The following STXBP6 variants were observed in gnomAD, a reference collection of about 807,000 sequenced individuals.
STXBP6 encodes the protein syntaxin binding protein 6.
A neutral mutation model predicts 26.9 loss-of-function variants in STXBP6; 21 were observed. That is an observed-to-expected ratio of 0.78 (90% CI 0.55 to 1.12). The LOEUF is 1.12. Among genes scored for constraint, STXBP6 ranks in the 50% most tolerant of loss-of-function variants. The probability of loss-of-function intolerance (pLI) is 0.00; values close to 1 mark genes in which losing one functional copy is unlikely to be tolerated. For missense variants in STXBP6, 232 were observed against 257.9 expected, an observed-to-expected ratio of 0.90 and a Z score of 0.69; for synonymous variants, 97 against 92.6, an observed-to-expected ratio of 1.05 and a Z score of -0.27.
intron 2 of STXBP6, among the ~76,000 whole-genome samples, chr14:24,959,315 G>A (rs1457579391): frequency 6.6e-6 from 1 of 152,106 alleles, no homozygotes; most frequent in African/African-American, 2.4e-5. Flanking sequence ...GGCCAAGCAT[G>A]GTGGTTTGCA....
chr14:24,983,105 T>A (rs1158474076), intron 1 of STXBP6, among the ~76,000 whole-genome samples: 1 of 152,180 alleles, frequency 6.6e-6, no homozygotes, highest in Non-Finnish European at 1.5e-5. Context: ...AGAATCATAG[T>A]GAAGGCCAGG....
chr14:24,867,886 T>G (rs1179883578), intron 2 of STXBP6, among the ~76,000 whole-genome samples: 2 of 152,174 alleles, frequency 1.3e-5, no homozygotes, highest in Non-Finnish European at 2.9e-5. Flanking sequence ...GAGAACATAT[T>G]TGCAAATCAT....
At position 24,809,721 on chromosome 14, in the gene STXBP6, AG is replaced by A. The variant is rs1419738090; in HGVS notation, c.*2987del. ...TGTTGTAATAGTGAATCAATAGAGC[AG>A]GTGTTACTTATCTCTGAATTAAACA... is the stretch of plus-strand genomic sequence containing the variant. On this transcript the variant is annotated 3_prime_UTR_variant, in exon 6 of 6. Transcript: ENST00000323944. The A allele has an allele frequency of 1.3e-5, 2 of 152,216 alleles. No individual in the cohort carries two copies. The highest frequency in any genetic ancestry group is 2.9e-5 in the Non-Finnish European group (2 of 68,034). 9.4% of individuals were successfully genotyped at this position (152,216 alleles called of 1,614,324 possible).
chr14:24,995,161 A>G lies in STXBP6; in HGVS notation c.-32-20311T>C, dbSNP rs78580917. ...GCTGTCTGACAAAGACCCATTTCCT[A>G]CTTCATAGATGGTGCCTTGTAGCTG... On this transcript the variant is annotated intron_variant, in intron 1 of 5. Transcript: ENST00000323944. 4.2e-3 allele frequency among the ~76,000 whole-genome samples: 640 copies of G among 152,232 alleles called. 13 individuals carry two copies. In the East Asian group the frequency reaches 0.045, roughly 11 times the overall value.
At chr14:24,978,171 T>C (rs2074099612) in intron 1 of STXBP6, among the ~76,000 whole-genome samples, 1 of 152,240 alleles carries the variant, frequency 6.6e-6, no homozygotes, top group Non-Finnish European at 1.5e-5. Context: ...TGATTGTATG[T>C]CTGAATTCAG....
chr14:24,863,789 A>C (rs1416299421), intron 2 of STXBP6, among the ~76,000 whole-genome samples: 3 of 152,206 alleles, frequency 2.0e-5, no homozygotes, highest in Non-Finnish European at 2.9e-5. Context: ...ATTTCTCCAT[A>C]GACCTGCAGA....
chr14:24,861,804 T>C (rs78340053), intron 2 of STXBP6, among the ~76,000 whole-genome samples: 1 of 152,128 alleles, frequency 6.6e-6, no homozygotes, highest in Admixed American at 6.5e-5. Context: ...ACATAGTAAA[T>C]GTTTAGACCC....
intron 2 of STXBP6, among the ~76,000 whole-genome samples, chr14:24,889,180 A>G (rs1257486115): frequency 3.3e-5 from 5 of 151,958 alleles, no homozygotes; most frequent in Non-Finnish European, 7.4e-5. Flanking sequence ...CTTAAATATG[A>G]GCCAACCACC....
intron 2 of STXBP6, among the ~76,000 whole-genome samples, chr14:24,934,048 A>C (rs747432852): frequency 3.9e-5 from 6 of 152,184 alleles, no homozygotes; most frequent in Admixed American, 6.5e-5. Context: ...GAAGCAATGA[A>C]AGAGAAGAAG....
At chr14:25,041,810 T>C (rs1226955696) in intron 1 of STXBP6, among the ~76,000 whole-genome samples, 1 of 152,242 alleles carries the variant, frequency 6.6e-6, no homozygotes, top group Non-Finnish European at 1.5e-5. Context: ...TTACCTGATG[T>C]CGATGCAACA....
intron 1 of STXBP6, among the ~76,000 whole-genome samples, chr14:25,008,190 A>T (rs571239089): frequency 1.6e-3 from 247 of 152,252 alleles, no homozygotes; most frequent in Non-Finnish European, 2.8e-3. Context: ...ATTTTTAAAA[A>T]TTTTTTTTAA....
At chr14:24,940,711 T>C (rs1470635575) in intron 2 of STXBP6, among the ~76,000 whole-genome samples, 3 of 152,098 alleles carry the variant, frequency 2.0e-5, no homozygotes, top group Non-Finnish European at 4.4e-5. Context: ...CAACCCTAAA[T>C]AGACATTAAA....
chr14:24,987,656 T>C (rs2074367400), intron 1 of STXBP6, among the ~76,000 whole-genome samples: 1 of 152,202 alleles, frequency 6.6e-6, no homozygotes, highest in Non-Finnish European at 1.5e-5. Flanking sequence ...AAGGAATGGG[T>C]CTTCCTCCTC....
At chr14:24,859,485 A>G (rs1442707849) in intron 2 of STXBP6, among the ~76,000 whole-genome samples, 2 of 152,022 alleles carry the variant, frequency 1.3e-5, no homozygotes, top group East Asian at 3.9e-4. Context: ...CACACACACC[A>G]TTGCCAGACT....
In STXBP6 at chr14:24,873,986, C is replaced by T. The variant is rs546020892; in HGVS notation, c.155-16829G>A. 3.3e-5 allele frequency among the ~76,000 whole-genome samples: 5 copies of T among 152,276 alleles called. No homozygotes were observed. In the East Asian group the frequency reaches 7.7e-4, roughly 23 times the overall value. ...CTGATGTGCAGATGCAAAAGCCCTT[C>T]GTTGTCAATTCTGCTGCCCTACAAA... On this transcript the variant is annotated intron_variant, in intron 2 of 5. Coordinates refer to ENST00000323944, the MANE Select transcript of STXBP6 (RefSeq NM_001394410.1).
At chr14:24,990,194 C>G (rs2074430388) in intron 1 of STXBP6, among the ~76,000 whole-genome samples, 1 of 152,114 alleles carries the variant, frequency 6.6e-6, no homozygotes, top group African/African-American at 2.4e-5. Context: ...AGGGTCATGC[C>G]TCAGAATGTC....
chr14:24,815,655 T>A (rs532810222), intron 5 of STXBP6: 1 of 152,222 alleles, frequency 6.6e-6, no homozygotes, highest in East Asian at 1.9e-4. Flanking sequence ...AGTCAATGTT[T>A]TTTTCTGCAA....
intron 2 of STXBP6, 40 bp from the exon 3 acceptor site, chr14:24,857,197 T>C (rs558381661): frequency 1.9e-6 from 3 of 1,610,936 alleles, no homozygotes; most frequent in African/African-American, 2.7e-5. Flanking sequence ...CACCTGCAAG[T>C]TGGTGGTTTG....
rs994710618 is a variant in STXBP6, at chr14:25,049,971, C to G, written c.-126G>C. ...CCGGGGGGCTGCCCCGCGCGGGGCT[C>G]CGGGCTCCGGACAAGGCTTAGCCGG... On this transcript the variant is annotated 5_prime_UTR_variant, in exon 1 of 6. Coordinates refer to ENST00000323944, the MANE Select transcript of STXBP6 (RefSeq NM_001394410.1). The surrounding 1 kb of genome is among the most constrained non-coding windows in gnomAD (Gnocchi z 5.6). The G allele has an allele frequency of 6.7e-6, 5 of 744,190 alleles. No individual in the cohort carries two copies. Among genetic ancestry groups the G allele is most frequent in the African/African-American group, 3.8e-5 (2 of 52,584 alleles). The allele number at this position is 744,190 out of a possible 1,614,324, so 46.1% of individuals were successfully genotyped here. A position where few individuals can be genotyped will look rare whatever the true frequency, so the allele number is the denominator to read the frequency against.
Sources: allele counts gnomAD v4.1 joint callset (sites outside exome capture counted in the v4.1 genomes callset), GRCh38; gene constraint gnomAD v4.1.1; non-coding constraint Gnocchi (gnomAD v3.1); transcripts MANE v1.5; gene names NCBI Gene and HGNC (gene_info 2026-07-23, HGNC 2026-07-21).